The following UNC119 variants were observed in gnomAD, a reference collection of about 807,000 sequenced individuals.
UNC119 encodes the protein protein unc-119 homolog A.
UNC119 carries 15 observed loss-of-function variants against 22.6 expected under a neutral mutation model. The observed-to-expected ratio is 0.66, with a 90% CI of 0.44 to 1.02. The LOEUF (loss-of-function observed/expected upper bound fraction) is 1.02, where lower values mean the gene tolerates loss of function less well. Ranked by LOEUF, UNC119 falls within the 50% of genes least tolerant of loss-of-function variation. The probability of loss-of-function intolerance (pLI) is 0.00; values close to 1 mark genes in which losing one functional copy is unlikely to be tolerated. For missense variants in UNC119, 322 were observed against 336.0 expected, an observed-to-expected ratio of 0.96 and a Z score of 0.33; for synonymous variants, 138 against 139.4, an observed-to-expected ratio of 0.99 and a Z score of 0.07.
At position 28,548,667 on chromosome 17, in the gene UNC119, C is replaced by T. The variant is rs762433273; in HGVS notation, c.259G>A (p.Asp87Asn). 4.2e-5 allele frequency: 68 copies of T among 1,614,152 alleles called. No individual in the cohort carries two copies. The East Asian group carries it at 4.5e-4, about 11-fold the overall frequency. The change falls in exon 2 of 5, where the codon GAC (aspartate) becomes AAC (asparagine). Residue 87 changes from aspartate to asparagine, a missense_variant. Transcript: ENST00000335765. The part of the protein sequence containing the change: ...CSPEENIYKI[D>N]FVRFKIRDMD... Reference sequence around the variant, plus strand: ...TCCCGAATCTTAAACCTGACAAAGTCGATCTTGTAGATATTCTCCTCAGGG... The same window carrying T: ...TCCCGAATCTTAAACCTGACAAAGTTGATCTTGTAGATATTCTCCTCAGGG...
At chr17:28,549,580 C>T (rs932632615) in intron 1 of UNC119, 2 of 152,438 alleles carry the variant, frequency 1.3e-5, no homozygotes, top group East Asian at 1.9e-4. Context: ...AGGTCATTTA[C>T]GCAGCCCTGG....
chr17:28,547,773 G>A lies in UNC119; in HGVS notation c.514C>T (p.Leu172Phe), dbSNP rs1347547233. ...CCAAAGTGGAAGTCGAAGCTTTTGA[G>A]TAGCTGGTTGCGGAAGTAGTGCCTC... is the stretch of plus-strand genomic sequence containing the variant. Reference protein sequence around the residue: ...IERHYFRNQLLKSFDFHFGFC... With the variant: ...IERHYFRNQLFKSFDFHFGFC... The change falls in exon 4 of 5, where the codon CTC (leucine) becomes TTC (phenylalanine). Residue 172 changes from leucine to phenylalanine, a missense_variant. Physicochemically the swap from Leu to Phe is conservative, Grantham distance 22 (BLOSUM62 0). Transcript: ENST00000335765. 2 of 1,614,134 alleles carry A rather than the reference G, an allele frequency of 1.2e-6. No individual in the cohort carries two copies. Among genetic ancestry groups the A allele is most frequent in the South Asian group, 2.2e-5 (2 of 91,092 alleles).
Position 28,547,230 on chromosome 17 carries a change from G to A in UNC119, c.*67C>T, listed in dbSNP as rs2070215295. On this transcript the variant is annotated 3_prime_UTR_variant, in exon 5 of 5. Transcript: ENST00000335765. Reference sequence around the variant, plus strand: ...AGCAGAGGACTTGGGGTTGAGGGGTGAGCGTTGGGGAGGTCACAGCTCCCA... The same window carrying A: ...AGCAGAGGACTTGGGGTTGAGGGGTAAGCGTTGGGGAGGTCACAGCTCCCA... The A allele has an allele frequency of 2.3e-5, 36 of 1,585,232 alleles. No individual in the cohort carries two copies. The highest frequency in any genetic ancestry group is 3.0e-5 in the Non-Finnish European group (35 of 1,159,068).
Position 28,552,574 on chromosome 17 carries a change from G to A in UNC119, c.-17C>T. ...CACCTTCATGGCCTTGCGGGGCCGA[G>A]GCTCGCCTGCTGCTGCCGCCGCTGC... is the stretch of plus-strand genomic sequence containing the variant. On this transcript the variant is annotated 5_prime_UTR_variant, in exon 1 of 5. Coordinates refer to ENST00000335765, the MANE Select transcript of UNC119 (RefSeq NM_005148.4). 2.0e-6 allele frequency: 3 copies of A among 1,495,904 alleles called. No individual in the cohort carries two copies. Among genetic ancestry groups the A allele is most frequent in the African/African-American group, 1.5e-5 (1 of 68,664 alleles). The allele number at this position is 1,495,904 out of a possible 1,614,324, so 92.7% of individuals were successfully genotyped here.
intron 1 of UNC119, chr17:28,549,564 C>A (rs1038188640): frequency 6.6e-6 from 1 of 152,452 alleles, no homozygotes; most frequent in Admixed American, 6.5e-5. Context: ...GAGAGAACCC[C>A]CTTAGAGGTC....
At position 28,552,621 on chromosome 17, in the gene UNC119, G is replaced by A. The variant is rs1052940381; in HGVS notation, c.-64C>T. The A allele has an allele frequency of 5.7e-6, 8 of 1,406,312 alleles. No homozygotes were observed. Among genetic ancestry groups the A allele is most frequent in the African/African-American group, 1.5e-5 (1 of 66,202 alleles). 87.1% of individuals were successfully genotyped at this position (1,406,312 alleles called of 1,614,324 possible). The stretch of plus-strand genomic sequence containing the variant: ...CTGCCTGCGCCGGCTGGAGCCGGGG[G>A]AAGTGGGAGCATCCGCAGCCCCGCC... On this transcript the variant is annotated 5_prime_UTR_variant, in exon 1 of 5. Coordinates refer to ENST00000335765, the MANE Select transcript of UNC119 (RefSeq NM_005148.4).
chr17:28,547,117 G>C lies in UNC119; in HGVS notation c.*180C>G. ...ACGACCCCACCCCATGTAGCAGGCC[G>C]CATGGGCTTCATGGGCTTGACTGGG... On this transcript the variant is annotated 3_prime_UTR_variant, in exon 5 of 5. Transcript: ENST00000335765. 1.4e-6 allele frequency: 1 copy of C among 729,552 alleles called. No homozygotes were observed. The highest frequency in any genetic ancestry group is 1.6e-5 in the South Asian group (1 of 63,166). 45.2% of individuals were successfully genotyped at this position (729,552 alleles called of 1,614,324 possible).
Position 28,547,852 on chromosome 17 carries a change from G to C in UNC119, c.438-3C>G. ...TGTCTCCCACTGTGAACTCCACCCT[G>C]AGCAAGAAAAGGAGGCAGGGCTAAG... On this transcript the variant is annotated splice_polypyrimidine_tract_variant and splice_region_variant and intron_variant, in intron 3 of 4. Coordinates refer to ENST00000335765, the MANE Select transcript of UNC119 (RefSeq NM_005148.4). The C allele has an allele frequency of 6.2e-7, 1 of 1,614,034 alleles. No homozygotes were observed. Among genetic ancestry groups the C allele is most frequent in the Non-Finnish European group, 8.5e-7 (1 of 1,179,956 alleles).
intron 2 of UNC119, 84 bp downstream of exon 2, chr17:28,548,508 C>T: frequency 2.5e-6 from 3 of 1,183,730 alleles, no homozygotes; most frequent in Non-Finnish European, 3.8e-6. Context: ...TCTGTGGACT[C>T]CTCTGTGGCC....
chr17:28,548,526 TCCCTGGGCAG>T, intron 2 of UNC119, 56 bp downstream of exon 2: 1 of 1,379,632 alleles, frequency 7.2e-7, no homozygotes, highest in Non-Finnish European at 1.0e-6. Context: ...GCCCAAGGAT[TCCCTGGGCAG>T]CCCACTCCGC....
At chr17:28,547,916 A>G in intron 3 of UNC119, 67 bp from the exon 4 acceptor site, 1 of 1,612,800 alleles carries the variant, frequency 6.2e-7, no homozygotes, top group East Asian at 2.2e-5. Context: ...GGCTCAGGAC[A>G]GGCCACCCCT....
At chr17:28,551,434 T>G (rs922342158) in intron 1 of UNC119, 1 of 152,304 alleles carries the variant, frequency 6.6e-6, no homozygotes, top group African/African-American at 2.4e-5. Context: ...GCAGCAGCTA[T>G]GAGCAGCCCT....
At chr17:28,548,932 TG>T in intron 1 of UNC119, 1 of 504,992 alleles carries the variant, frequency 2.0e-6, no homozygotes. Flanking sequence ...TACTGGTCTC[TG>T]GGGGCCAGGG....
rs3216757 is a variant in UNC119, at chr17:28,548,119, TG to T, written c.335-19del. 3.5e-5 allele frequency: 56 copies of T among 1,599,936 alleles called. No homozygotes were observed. The East Asian group carries it at 1.2e-3, about 33-fold the overall frequency. ...CAACCGTTCTGCAATGTACCCCAGC[TG>T]GGGCTCAGTGGGCTTCAGGCTGGGC... On this transcript the variant is annotated intron_variant, in intron 2 of 4. Transcript: ENST00000335765.
intron 1 of UNC119, 176 bp from the exon 2 acceptor site, chr17:28,548,881 C>A: frequency 3.4e-6 from 2 of 586,138 alleles, no homozygotes. Context: ...AGAGACATAA[C>A]TCCGCCATGG....
chr17:28,547,618 C>A, intron 4 of UNC119, 59 bp downstream of exon 4: 1 of 1,613,844 alleles, frequency 6.2e-7, no homozygotes, highest in South Asian at 1.1e-5. Flanking sequence ...CTCTCCCTCC[C>A]GCAGCTCAGT....
intron 4 of UNC119, 80 bp from the exon 5 acceptor site, chr17:28,547,489 C>A: frequency 6.3e-7 from 1 of 1,594,558 alleles, no homozygotes; most frequent in Middle Eastern, 1.7e-4. Flanking sequence ...GACTGGGGTA[C>A]AGGGACAGCC....
intron 1 of UNC119, chr17:28,549,966 G>C (rs561892264): frequency 1.3e-5 from 2 of 152,278 alleles, no homozygotes; most frequent in Admixed American, 1.3e-4. Context: ...TATTCCTCTG[G>C]GGCAGGAACA....
Position 28,552,410 on chromosome 17 carries a change from T to C in UNC119, c.148A>G (p.Arg50Gly). 6.4e-7 allele frequency: 1 copy of C among 1,554,272 alleles called. No individual in the cohort carries two copies. The highest frequency in any genetic ancestry group is 1.4e-5 in the African/African-American group (1 of 73,016). ...ESEPDAGPGP[R>G]PGPLQRKQPI... is the part of the protein sequence containing the mutation. ...TGCTTCCTCTGCAGCGGCCCCGGCCTGGGCCCTGGGCCTGCGTCCGGCTCC... is the reference window on the plus strand; with the variant it reads ...TGCTTCCTCTGCAGCGGCCCCGGCCCGGGCCCTGGGCCTGCGTCCGGCTCC... The change falls in exon 1 of 5, where the codon AGG becomes GGG. Residue 50 changes from arginine (R) to glycine (G), a missense_variant. Coordinates refer to ENST00000335765, the MANE Select transcript of UNC119 (RefSeq NM_005148.4).
Sources: gnomAD v4.1 joint callset for allele counts on GRCh38, gnomAD v4.1.1 for gene constraint, MANE v1.5 for transcripts, NCBI Gene and HGNC (gene_info 2026-07-23, HGNC 2026-07-21) for gene names.